ZNF385C: variants seen among roughly 807,000 people sequenced by gnomAD.
ZNF385C encodes zinc finger protein 385C, also known as CTD-2132N18.2.
Under a neutral mutation model 35.4 loss-of-function variants are expected in ZNF385C, and 28 were observed. The ratio of observed to expected loss-of-function variants is 0.79; its 90% CI spans 0.59 to 1.08. ZNF385C has a LOEUF of 1.08. ZNF385C is among the 50% of genes least tolerant of loss of function. The pLI is 0.00. For missense variants in ZNF385C, 605 were observed against 595.6 expected (o/e 1.02, Z -0.16); for synonymous variants, 248 against 248.2 (o/e 1.00, Z 0.01).
At chr17:42,052,428 T>A (rs1184214421) in intron 2 of ZNF385C, among the ~76,000 whole-genome samples, 5 of 151,798 alleles carry the variant, frequency 3.3e-5, no homozygotes, top group South Asian at 2.1e-4. Flanking sequence ...GGCACATACA[T>A]ACATACCTCC....
At chr17:42,036,790 G>C (rs974623724) in intron 3 of ZNF385C, among the ~76,000 whole-genome samples, 73 of 152,032 alleles carry the variant, frequency 4.8e-4, no homozygotes, top group African/African-American at 1.7e-3. Context: ...CTCAAGACCA[G>C]AGGACCACCC....
At chr17:42,085,371 C>A (rs998428577) in intron 1 of ZNF385C, among the ~76,000 whole-genome samples, 1 of 151,618 alleles carries the variant, frequency 6.6e-6, no homozygotes, top group Non-Finnish European at 1.5e-5. Flanking sequence ...CAGGTTCAAG[C>A]AAATCTTGTG....
intron 1 of ZNF385C, 57 bp from the exon 2 acceptor site, chr17:42,063,115 G>C (rs2053489948): frequency 5.3e-6 from 3 of 567,758 alleles, no homozygotes; most frequent in Admixed American, 3.2e-5. Context: ...TTCTTAGAGA[G>C]AGCAGGAGGG....
rs1031114634 is a variant in ZNF385C, at chr17:42,026,719, G to A, written c.*178C>T. On this transcript the variant is annotated 3_prime_UTR_variant, in exon 9 of 9. Transcript: ENST00000692273. ...TAACCCTGGAAGGCCTGCGAAAGGAGGGTGGGGACAGTCCTTGGAAGGCAG... is the reference window on the plus strand; with the variant it reads ...TAACCCTGGAAGGCCTGCGAAAGGAAGGTGGGGACAGTCCTTGGAAGGCAG... 8.1e-5 allele frequency: 54 copies of A among 669,188 alleles called. No individual in the cohort carries two copies. Among genetic ancestry groups the A allele is most frequent in the Non-Finnish European group, 2.7e-6 (1 of 376,740 alleles). The allele number at this position is 669,188 out of a possible 1,614,324, so 41.5% of individuals were successfully genotyped here. A position where few individuals can be genotyped will look rare whatever the true frequency, so the allele number is the denominator to read the frequency against.
chr17:42,068,228 C>A (rs2053575702), intron 1 of ZNF385C, among the ~76,000 whole-genome samples: 2 of 152,148 alleles, frequency 1.3e-5, no homozygotes, highest in Admixed American at 1.3e-4. Context: ...AGCTCGGCAT[C>A]CCCAACCCTG....
intron 2 of ZNF385C, among the ~76,000 whole-genome samples, chr17:42,054,313 CAGGA>C (rs2053336722): frequency 6.6e-6 from 1 of 152,242 alleles, no homozygotes; most frequent in South Asian, 2.1e-4. Flanking sequence ...CCTCTTGCCT[CAGGA>C]CTTGCTGCTG....
chr17:42,034,577 C>T (rs2052800350), intron 3 of ZNF385C, among the ~76,000 whole-genome samples: 2 of 151,088 alleles, frequency 1.3e-5, no homozygotes, highest in Admixed American at 1.3e-4. Context: ...GTTGGGAGTT[C>T]AAGACCAGCC....
chr17:42,062,969 G>A lies in ZNF385C; in HGVS notation c.88C>T (p.Pro30Ser), dbSNP rs1555658131. 2.9e-6 allele frequency: 2 copies of A among 694,274 alleles called. No homozygotes were observed. Among genetic ancestry groups the A allele is most frequent in the East Asian group, 2.8e-5 (1 of 36,142 alleles). 43.0% of individuals were successfully genotyped at this position (694,274 alleles called of 1,614,324 possible). The stretch of plus-strand genomic sequence containing the variant: ...TTTCTTTCTCGCTTGGGCTTAGGTG[G>A]TTCTGGGGGCCGAGGGAGGCACTCA... ...AAECLPRPPE[P>S]PKPKRERKRP... is the part of the protein sequence containing the mutation. The change falls in exon 2 of 9, where the codon CCA becomes TCA. Residue 30 changes from proline (P) to serine (S), a missense_variant. Pro to Ser is a moderately conservative substitution (Grantham distance 74). Transcript: ENST00000692273.
chr17:42,072,441 T>C (rs2053637865), intron 1 of ZNF385C, among the ~76,000 whole-genome samples: 1 of 152,146 alleles, frequency 6.6e-6, no homozygotes, highest in African/African-American at 2.4e-5. Context: ...CCCCCAGCCC[T>C]GCAGAACCAC....
intron 4 of ZNF385C, among the ~76,000 whole-genome samples, chr17:42,033,705 A>G (rs2052779225): frequency 1.3e-5 from 2 of 152,184 alleles, no homozygotes; most frequent in Non-Finnish European, 2.9e-5. Flanking sequence ...GTGAGCCAAG[A>G]TTGCGCCACT....
intron 1 of ZNF385C, among the ~76,000 whole-genome samples, chr17:42,094,253 T>C (rs1211699885): frequency 6.6e-6 from 1 of 152,104 alleles, no homozygotes; most frequent in Non-Finnish European, 1.5e-5. Flanking sequence ...AAAGTGCTAG[T>C]ATTACAGGCG....
chr17:42,056,201 A>T (rs1159991997), intron 2 of ZNF385C, among the ~76,000 whole-genome samples: 1 of 152,208 alleles, frequency 6.6e-6, no homozygotes, highest in Non-Finnish European at 1.5e-5. Context: ...CTACCAAGAG[A>T]CAAGGGAGGG....
At chr17:42,074,288 T>C (rs2053661873) in intron 1 of ZNF385C, among the ~76,000 whole-genome samples, 2 of 152,228 alleles carry the variant, frequency 1.3e-5, no homozygotes, top group Non-Finnish European at 2.9e-5. Context: ...GTTGAATGAA[T>C]AATAAATGCA....
In ZNF385C at chr17:42,067,070, G is replaced by GA. The variant is rs1303879897; in HGVS notation, c.-2-4013dup. On this transcript the variant is annotated intron_variant, in intron 1 of 8. Transcript: ENST00000692273. ...GGTAACAGAGCAAGACTCCGTCTCAGAAAAAAAAAAAAGAGAGAGAGACAG... is the reference window on the plus strand; with the variant it reads ...GGTAACAGAGCAAGACTCCGTCTCAGAAAAAAAAAAAAAGAGAGAGAGACAG... Among the ~76,000 whole-genome samples the GA allele has an allele frequency of 1.2e-3, 160 of 136,978 alleles. 1 individual carries two copies. The highest frequency in any genetic ancestry group is 0.011 in the South Asian group (49 of 4,472). The allele number at this position is 136,978 out of a possible 152,430, so 89.9% of individuals were successfully genotyped here. A position where few individuals can be genotyped will look rare whatever the true frequency, so the allele number is the denominator to read the frequency against.
At chr17:42,040,637 C>T (rs1326252018) in intron 2 of ZNF385C, 16 of 1,232,156 alleles carry the variant, frequency 1.3e-5, no homozygotes, top group Admixed American at 8.4e-5. Flanking sequence ...GGCCAGGCCT[C>T]GGCCACTGCT....
At chr17:42,068,548 C>T (rs782300779) in intron 1 of ZNF385C, among the ~76,000 whole-genome samples, 11 of 152,230 alleles carry the variant, frequency 7.2e-5, no homozygotes, top group Non-Finnish European at 8.8e-5. Flanking sequence ...GGTTTGACTA[C>T]GTTTCCCAGG....
At chr17:42,079,903 C>G (rs782587615) in intron 1 of ZNF385C, among the ~76,000 whole-genome samples, 3 of 152,186 alleles carry the variant, frequency 2.0e-5, no homozygotes, top group Non-Finnish European at 4.4e-5. Flanking sequence ...ACCCAGGGTG[C>G]CCATCCCCAT....
At chr17:42,042,848 C>T (rs2053057215) in intron 2 of ZNF385C, 1 of 1,232,362 alleles carries the variant, frequency 8.1e-7, no homozygotes. Context: ...ATGTCCCTCA[C>T]CCTCCTGGGA....
At chr17:42,075,344 C>T (rs980399186) in intron 1 of ZNF385C, among the ~76,000 whole-genome samples, 2 of 152,154 alleles carry the variant, frequency 1.3e-5, no homozygotes, top group African/African-American at 4.8e-5. Context: ...GCGCTCCTCC[C>T]CCAGGGTAGT....
Sources: gnomAD v4.1 joint callset for allele counts (sites outside exome capture counted in the v4.1 genomes callset) on GRCh38, gnomAD v4.1.1 for gene constraint, MANE v1.5 for transcripts, NCBI Gene and HGNC (gene_info 2026-07-23, HGNC 2026-07-21) for gene names.